PTPRD: variants seen among roughly 807,000 people sequenced by gnomAD.
The protein encoded by PTPRD is protein tyrosine phosphatase receptor type D, also known as receptor-type tyrosine-protein phosphatase delta.
PTPRD carries 34 observed loss-of-function variants against 214.5 expected under a neutral mutation model. That is an observed-to-expected ratio of 0.16 (90% CI 0.12 to 0.21). The LOEUF (loss-of-function observed/expected upper bound fraction) is 0.21, where lower values mean the gene tolerates loss of function less well. Ranked by LOEUF, PTPRD falls within the 10% of genes least tolerant of loss-of-function variation. The pLI, the probability that PTPRD is intolerant of heterozygous loss-of-function variation, is 1.00. For missense variants in PTPRD, 2,545 were observed against 2,398.7 expected (o/e 1.06, Z -1.27); for synonymous variants, 1,128 against 845.7 (o/e 1.33, Z -5.79).
intron 7 of PTPRD, among the ~76,000 whole-genome samples, chr9:9,589,861 G>T (rs186880605): frequency 6.6e-6 from 1 of 152,032 alleles, no homozygotes; most frequent in African/African-American, 2.4e-5. Context: ...ATGAGCAAGG[G>T]AAATAAGCAC....
chr9:10,163,033 A>G (rs1379849161), intron 3 of PTPRD, among the ~76,000 whole-genome samples: 7 of 151,044 alleles, frequency 4.6e-5, no homozygotes, highest in Admixed American at 4.6e-4. Context: ...CTATATAGAG[A>G]GAAAGAGAAA....
At chr9:9,957,128 T>G (rs2093989461) in intron 4 of PTPRD, among the ~76,000 whole-genome samples, 1 of 152,302 alleles carries the variant, frequency 6.6e-6, no homozygotes. Context: ...TGTATTCATT[T>G]TGACTCCACA....
intron 8 of PTPRD, among the ~76,000 whole-genome samples, chr9:9,407,005 C>T (rs2073706259): frequency 2.6e-5 from 4 of 151,592 alleles, no homozygotes; most frequent in Admixed American, 2.6e-4. Flanking sequence ...ATTACTTACC[C>T]TCTCTGAACT....
At chr9:10,172,461 G>A (rs1178097462) in intron 3 of PTPRD, among the ~76,000 whole-genome samples, 1 of 152,108 alleles carries the variant, frequency 6.6e-6, no homozygotes, top group East Asian at 1.9e-4. Flanking sequence ...CTTACCTACT[G>A]AATTACTTGA....
intron 3 of PTPRD, among the ~76,000 whole-genome samples, chr9:10,259,127 A>G (rs934792007): frequency 6.6e-6 from 1 of 152,108 alleles, no homozygotes; most frequent in Middle Eastern, 3.4e-3. Flanking sequence ...GGTTCACACT[A>G]TTCTTCTGCC....
chr9:10,528,834 G>T (rs1300586123), intron 2 of PTPRD, among the ~76,000 whole-genome samples: 1 of 151,928 alleles, frequency 6.6e-6, no homozygotes, highest in Non-Finnish European at 1.5e-5. Flanking sequence ...TGTTTTTATA[G>T]TTATATATTC....
chr9:9,799,548 G>C (rs548752046), intron 5 of PTPRD: 1 of 152,238 alleles, frequency 6.6e-6, no homozygotes, highest in Admixed American at 6.5e-5. Flanking sequence ...GGGCAGATAA[G>C]GAAGAGTCAT....
intron 5 of PTPRD, among the ~76,000 whole-genome samples, chr9:9,923,669 C>G (rs952764164): frequency 1.1e-4 from 17 of 152,000 alleles, no homozygotes; most frequent in African/African-American, 4.1e-4. Context: ...TAATTGTGAG[C>G]AAGAATAATC....
intron 2 of PTPRD, among the ~76,000 whole-genome samples, chr9:10,572,922 T>C (rs1277735688): frequency 6.6e-6 from 1 of 152,142 alleles, no homozygotes; most frequent in Non-Finnish European, 1.5e-5. Context: ...TAGCTGCTGA[T>C]GCTTTTGTTT....
intron 3 of PTPRD, among the ~76,000 whole-genome samples, chr9:10,074,514 T>G (rs540422581): frequency 6.6e-6 from 1 of 152,228 alleles, no homozygotes; most frequent in African/African-American, 2.4e-5. Context: ...GTGAGAACAT[T>G]AGAGGATCTG....
chr9:9,523,833 T>A (rs1327664701), intron 8 of PTPRD, among the ~76,000 whole-genome samples: 1 of 152,206 alleles, frequency 6.6e-6, no homozygotes, highest in Non-Finnish European at 1.5e-5. Context: ...TCAGAAGGAA[T>A]TGGCATTAGC....
At chr9:9,320,143 T>C (rs1569567327) in intron 9 of PTPRD, among the ~76,000 whole-genome samples, 1 of 152,198 alleles carries the variant, frequency 6.6e-6, no homozygotes, top group Non-Finnish European at 1.5e-5. Flanking sequence ...GAATTCCTTT[T>C]TGTAATGTCA....
At chr9:9,326,058 G>A (rs137995130) in intron 9 of PTPRD, among the ~76,000 whole-genome samples, 2,596 of 152,074 alleles carry the variant, frequency 0.017, 76 homozygotes, top group African/African-American at 0.06. Flanking sequence ...CGATCTTGGT[G>A]GATAAGCTTT....
intron 11 of PTPRD, among the ~76,000 whole-genome samples, chr9:8,832,447 A>G (rs1364735749): frequency 4.9e-5 from 7 of 141,778 alleles, no homozygotes; most frequent in African/African-American, 1.8e-4. Context: ...AACACTTCAC[A>G]ATGTGAAAAT....
At chr9:9,998,129 A>AAAATATATATATATAT (rs57991748) in intron 4 of PTPRD, among the ~76,000 whole-genome samples, 28 of 91,452 alleles carry the variant, frequency 3.1e-4, no homozygotes, top group African/African-American at 1.2e-3. Context: ...AAAAAAAAAA[A>AAAATATATATATATAT]ATATATATAT....
At chr9:9,341,899 C>T (rs1221242228) in intron 9 of PTPRD, among the ~76,000 whole-genome samples, 1 of 152,108 alleles carries the variant, frequency 6.6e-6, no homozygotes, top group Non-Finnish European at 1.5e-5. Context: ...ACTTCCACCT[C>T]CTGGGTTCAA....
intron 5 of PTPRD, among the ~76,000 whole-genome samples, chr9:9,924,784 G>A (rs1651768230): frequency 6.6e-6 from 1 of 152,026 alleles, no homozygotes; most frequent in South Asian, 2.1e-4. Flanking sequence ...ATACTTGAAA[G>A]CTAAAGTTTT....
chr9:8,454,833 TG>T (rs1409163040), intron 33 of PTPRD, among the ~76,000 whole-genome samples: 4 of 151,856 alleles, frequency 2.6e-5, no homozygotes, highest in Non-Finnish European at 5.9e-5. Context: ...TGTGTGTGTG[TG>T]TGTGTGTGTG....
At chr9:10,027,595 G>T (rs1481311167) in intron 4 of PTPRD, among the ~76,000 whole-genome samples, 1 of 152,130 alleles carries the variant, frequency 6.6e-6, no homozygotes, top group Non-Finnish European at 1.5e-5. Context: ...GGAAGCATTT[G>T]TTATAACAAT....
Sources: allele counts gnomAD v4.1 joint callset (sites outside exome capture counted in the v4.1 genomes callset), GRCh38; gene constraint gnomAD v4.1.1; transcripts MANE v1.5; gene names NCBI Gene and HGNC (gene_info 2026-07-23, HGNC 2026-07-21).